Variants in AGMO observed in about 807,000 individuals in gnomAD.
AGMO encodes the protein glyceryl-ether monooxygenase.
Under a neutral mutation model 60.2 loss-of-function variants are expected in AGMO, and 75 were observed. That is an observed-to-expected ratio of 1.25 (90% CI 1.03 to 1.51). The LOEUF (loss-of-function observed/expected upper bound fraction) is 1.51, where lower values mean the gene tolerates loss of function less well. Among genes scored for constraint, AGMO ranks in the 40% most tolerant of loss-of-function variants. The pLI is 0.00. For missense variants in AGMO, 763 were observed against 525.5 expected (o/e 1.45, Z -4.42); for synonymous variants, 261 against 177.1 (o/e 1.47, Z -3.76).
At chr7:15,209,762 G>A (rs1781536361) in intron 12 of AGMO, among the ~76,000 whole-genome samples, 1 of 152,142 alleles carries the variant, frequency 6.6e-6, no homozygotes, top group South Asian at 2.1e-4. Context: ...TCCTAAGAAA[G>A]CCACAGCTGC....
intron 3 of AGMO, among the ~76,000 whole-genome samples, chr7:15,485,741 C>T (rs566356793): frequency 6.6e-6 from 1 of 151,848 alleles, no homozygotes; most frequent in South Asian, 2.1e-4. Flanking sequence ...TTGATCATTA[C>T]CAGGATTGTG....
chr7:15,399,480 AT>A (rs1314616487), intron 5 of AGMO, among the ~76,000 whole-genome samples: 1 of 152,178 alleles, frequency 6.6e-6, no homozygotes, highest in Non-Finnish European at 1.5e-5. Flanking sequence ...AACTTAAAAC[AT>A]TTTTTGGGGC....
intron 3 of AGMO, among the ~76,000 whole-genome samples, chr7:15,492,385 A>G (rs1261086191): frequency 6.6e-6 from 1 of 151,634 alleles, no homozygotes; most frequent in East Asian, 1.9e-4. Flanking sequence ...AACATTAATA[A>G]TAAATTCAAT....
intron 3 of AGMO, among the ~76,000 whole-genome samples, chr7:15,477,110 G>T (rs1782613846): frequency 6.6e-6 from 1 of 150,970 alleles, no homozygotes; most frequent in South Asian, 2.1e-4. Flanking sequence ...GCCTATCACA[G>T]ACTATTTATT....
intron 12 of AGMO, among the ~76,000 whole-genome samples, chr7:15,346,617 TAA>T (rs11417689): frequency 6.9e-6 from 1 of 145,766 alleles, no homozygotes; most frequent in African/African-American, 2.5e-5. Flanking sequence ...TCTTAAAAAG[TAA>T]AAAAAAAAAA....
chr7:15,131,285 G>C, the AGMO span, among the ~76,000 whole-genome samples: 1 of 152,114 alleles, frequency 6.6e-6, no homozygotes, highest in Non-Finnish European at 1.5e-5. Flanking sequence ...AGTGGAGTTA[G>C]AGCTCCATAA....
At chr7:15,506,869 G>A (rs540269922) in intron 3 of AGMO, among the ~76,000 whole-genome samples, 1 of 151,828 alleles carries the variant, frequency 6.6e-6, no homozygotes, top group Non-Finnish European at 1.5e-5. Flanking sequence ...AATGCTGTGA[G>A]ACTTAGAGAG....
In AGMO at chr7:15,402,877, C is replaced by A. The variant is rs115336764; in HGVS notation, c.610-8698G>T. Among the ~76,000 whole-genome samples the A allele has an allele frequency of 4.5e-3, 684 of 151,568 alleles. 6 individuals carry two copies. Among genetic ancestry groups the A allele is most frequent in the African/African-American group, 0.016 (643 of 41,422 alleles). On this transcript the variant is annotated intron_variant, in intron 5 of 12. Transcript: ENST00000342526. ...TCTCTTGTCAGCCAGTTCATTTATT[C>A]TGCAAATATTTATTGAGTTTCTAGG...
At chr7:15,181,637 A>G in the AGMO span, among the ~76,000 whole-genome samples, 3 of 152,138 alleles carry the variant, frequency 2.0e-5, no homozygotes, top group Non-Finnish European at 4.4e-5. Context: ...ATTATCTAAA[A>G]CTGAAGCCCT....
intron 12 of AGMO, chr7:15,306,597 T>C (rs1216642848): frequency 4.6e-6 from 2 of 434,650 alleles, no homozygotes; most frequent in African/African-American, 4.2e-5. Flanking sequence ...TTACAAAATA[T>C]GGCAATTTGT....
At chr7:15,551,820 T>C (rs972942757) in intron 2 of AGMO, among the ~76,000 whole-genome samples, 9 of 152,008 alleles carry the variant, frequency 5.9e-5, no homozygotes, top group African/African-American at 2.2e-4. Context: ...AAAAAACTAC[T>C]TTAAAGTTCA....
intron 12 of AGMO, among the ~76,000 whole-genome samples, chr7:15,357,083 C>T (rs1782562552): frequency 6.7e-6 from 1 of 149,662 alleles, no homozygotes; most frequent in Non-Finnish European, 1.5e-5. Flanking sequence ...AAGATTGCAC[C>T]ATTGCACAGA....
At chr7:15,507,086 A>G (rs961242367) in intron 3 of AGMO, among the ~76,000 whole-genome samples, 5 of 152,032 alleles carry the variant, frequency 3.3e-5, no homozygotes, top group African/African-American at 1.2e-4. Context: ...TAACATATTT[A>G]TGATAGTTAA....
chr7:15,547,501 T>C (rs920334816), intron 2 of AGMO, among the ~76,000 whole-genome samples: 1 of 152,144 alleles, frequency 6.6e-6, no homozygotes, highest in African/African-American at 2.4e-5. Context: ...ATTGCCTCAC[T>C]CGGGAAGCGC....
At chr7:15,356,749 GATTAAAA>G (rs1782546504) in intron 12 of AGMO, among the ~76,000 whole-genome samples, 1 of 151,570 alleles carries the variant, frequency 6.6e-6, no homozygotes. Context: ...GAAAAAATGT[GATTAAAA>G]ATATTAAATA....
chr7:15,356,175 C>G (rs1333590558), intron 12 of AGMO, among the ~76,000 whole-genome samples: 1 of 152,154 alleles, frequency 6.6e-6, no homozygotes, highest in Non-Finnish European at 1.5e-5. Context: ...AGCACATTTG[C>G]TACAATCCAG....
chr7:15,231,821 G>C (rs958535672), intron 12 of AGMO, among the ~76,000 whole-genome samples: 4 of 152,058 alleles, frequency 2.6e-5, no homozygotes, highest in Admixed American at 2.6e-4. Flanking sequence ...TATGTGGCTG[G>C]TACAAAGCTG....
At chr7:15,345,723 T>A (rs1025378710) in intron 12 of AGMO, among the ~76,000 whole-genome samples, 13 of 152,270 alleles carry the variant, frequency 8.5e-5, no homozygotes, top group South Asian at 2.1e-4. Context: ...GTTACAACAA[T>A]CCTAAGGAGT....
At chr7:15,509,343 G>T (rs1783610709) in intron 3 of AGMO, among the ~76,000 whole-genome samples, 1 of 149,468 alleles carries the variant, frequency 6.7e-6, no homozygotes, top group South Asian at 2.1e-4. Context: ...TTTAATAAAT[G>T]ATGTTGTGAG....
Sources: gnomAD v4.1 joint callset for allele counts (sites outside exome capture counted in the v4.1 genomes callset) on GRCh38, gnomAD v4.1.1 for gene constraint, MANE v1.5 for transcripts, NCBI Gene and HGNC (gene_info 2026-07-23, HGNC 2026-07-21) for gene names.